PFKFB3: variants seen among roughly 807,000 people sequenced by gnomAD.
PFKFB3 encodes the protein 6-phosphofructo-2-kinase/fructose-2,6-bisphosphatase 3.
Under a neutral mutation model 68.0 loss-of-function variants are expected in PFKFB3, and 33 were observed. The ratio of observed to expected loss-of-function variants is 0.49; its 90% CI spans 0.37 to 0.65. PFKFB3 has a LOEUF of 0.65. Ranked by LOEUF, PFKFB3 falls within the 30% of genes least tolerant of loss-of-function variation. The pLI, the probability that PFKFB3 is intolerant of heterozygous loss-of-function variation, is 0.00. For synonymous variants in PFKFB3, 315 were observed against 288.2 expected, an observed-to-expected ratio of 1.09 and a Z score of -0.94; for missense variants, 586 against 712.2, an observed-to-expected ratio of 0.82 and a Z score of 2.02.
At chr10:6,325,256 G>A in the PFKFB3 span, among the ~76,000 whole-genome samples, 7 of 152,256 alleles carry the variant, frequency 4.6e-5, no homozygotes, top group Middle Eastern at 3.4e-3. Context: ...GAACCACTGC[G>A]CCCAGCCTGG....
At chr10:6,322,185 C>G in the PFKFB3 span, among the ~76,000 whole-genome samples, 1 of 152,242 alleles carries the variant, frequency 6.6e-6, no homozygotes, top group Non-Finnish European at 1.5e-5. Context: ...CCAGTGTTCT[C>G]TGTTTCTGTA....
intron 14 of PFKFB3, among the ~76,000 whole-genome samples, chr10:6,231,799 G>T (rs1469761647): frequency 2.0e-5 from 3 of 151,374 alleles, no homozygotes; most frequent in African/African-American, 7.3e-5. Flanking sequence ...GTCATCCCCT[G>T]GCAGGCACCT....
rs1469763495 is a variant in PFKFB3, at chr10:6,213,630, G to T, written c.84G>T (p.Gly28=). 6.2e-7 allele frequency: 1 copy of T among 1,612,246 alleles called. No homozygotes were observed. ...TCTTGCTTGTTTTTCCAGCCTGTGG[G>T]CCAAAGCTGACCAACTCCCCCACCG... ...DHRPSLPRSC[G]PKLTNSPTVI... Residue 28 remains glycine (G), a synonymous_variant, in exon 2 of 15, where the codon GGG becomes GGT. Coordinates refer to ENST00000379775, the MANE Select transcript of PFKFB3 (RefSeq NM_004566.4).
intron 8 of PFKFB3, 142 bp from the exon 9 acceptor site, chr10:6,221,239 G>A (rs542085827): frequency 2.4e-5 from 21 of 888,880 alleles, no homozygotes; most frequent in South Asian, 1.5e-4. Flanking sequence ...GGGTGTGTGC[G>A]GCTGTGGCTG....
chr10:6,294,706 C>T, the PFKFB3 span: 1 of 159,690 alleles, frequency 6.3e-6, no homozygotes, highest in Non-Finnish European at 1.4e-5. Context: ...TCTTCTAGAC[C>T]ACAAGGACCC....
intron 14 of PFKFB3, among the ~76,000 whole-genome samples, chr10:6,245,291 T>G (rs920179161): frequency 1.3e-5 from 2 of 152,064 alleles, no homozygotes; most frequent in African/African-American, 4.8e-5. Flanking sequence ...GAGACGGGGT[T>G]TCACCATGTT....
chr10:6,231,339 C>T (rs1434957441), intron 14 of PFKFB3: 2 of 1,612,018 alleles, frequency 1.2e-6, no homozygotes, highest in Admixed American at 1.7e-5. Context: ...GCATGTCCCT[C>T]TGTCCCGCAC....
chr10:6,158,363 T>G (rs184662651), intron 1 of PFKFB3, among the ~76,000 whole-genome samples: 130 of 152,142 alleles, frequency 8.5e-4, no homozygotes, highest in South Asian at 1.7e-3. Flanking sequence ...TAAAGAAACT[T>G]CACCTCTTTA....
Position 6,210,400 on chromosome 10 carries a change from A to G in PFKFB3, c.77-3223A>G, listed in dbSNP as rs377164405. Among the ~76,000 whole-genome samples the G allele has an allele frequency of 8.6e-3, 718 of 83,206 alleles. 119 individuals carry two copies. Among genetic ancestry groups the G allele is most frequent in the South Asian group, 0.023 (46 of 2,028 alleles). 54.6% of individuals were successfully genotyped at this position (83,206 alleles called of 152,430 possible). ...TTTTGAGACGAAGTTTCGCTCTGTC[A>G]CCCAGGCTGGAGTGCAGTGGCGCTA... is the stretch of plus-strand genomic sequence containing the variant. On this transcript the variant is annotated intron_variant, in intron 1 of 14. Transcript: ENST00000379775.
chr10:6,258,427 G>C (rs934178250), downstream of PFKFB3, among the ~76,000 whole-genome samples: 1 of 152,194 alleles, frequency 6.6e-6, no homozygotes, highest in African/African-American at 2.4e-5. Flanking sequence ...GCAGTTAATG[G>C]GCTTCTCTGT....
chr10:6,221,327 C>T, intron 8 of PFKFB3, 54 bp from the exon 9 acceptor site: 1 of 1,604,000 alleles, frequency 6.2e-7, no homozygotes, highest in Non-Finnish European at 8.5e-7. Context: ...AGCCCTGGCT[C>T]TTGGAGGAGC....
the PFKFB3 span, among the ~76,000 whole-genome samples, chr10:6,287,719 T>C: frequency 6.6e-6 from 1 of 152,222 alleles, no homozygotes; most frequent in Admixed American, 6.5e-5. Flanking sequence ...TTGTCCGTTA[T>C]ATGATTGCTG....
At chr10:6,211,717 G>A (rs540657769) in intron 1 of PFKFB3, among the ~76,000 whole-genome samples, 145 of 152,332 alleles carry the variant, frequency 9.5e-4, no homozygotes, top group African/African-American at 3.2e-3. Context: ...ATCTGTTTTC[G>A]AGGAACTGTT....
At chr10:6,272,065 C>T in the PFKFB3 span, among the ~76,000 whole-genome samples, 2 of 152,208 alleles carry the variant, frequency 1.3e-5, no homozygotes, top group Non-Finnish European at 2.9e-5. Context: ...TGGCTGCCAT[C>T]CAGCAGGGAG....
intron 1 of PFKFB3, among the ~76,000 whole-genome samples, chr10:6,181,164 G>A (rs557884434): frequency 6.6e-6 from 1 of 152,260 alleles, no homozygotes; most frequent in Admixed American, 6.5e-5. Context: ...GTAGGTGTGT[G>A]CCATCACACC....
chr10:6,258,700 C>T (rs951184915), downstream of PFKFB3, among the ~76,000 whole-genome samples: 1 of 152,166 alleles, frequency 6.6e-6, no homozygotes, highest in Admixed American at 6.5e-5. Flanking sequence ...GCCTCTGCTC[C>T]CTGTAGGGGA....
chr10:6,270,648 G>C, the PFKFB3 span, among the ~76,000 whole-genome samples: 1 of 152,168 alleles, frequency 6.6e-6, no homozygotes, highest in Non-Finnish European at 1.5e-5. Flanking sequence ...TCTTTACCAG[G>C]TGGTTTCTAA....
At chr10:6,293,137 C>A in the PFKFB3 span, 1 of 448,536 alleles carries the variant, frequency 2.2e-6, no homozygotes. Context: ...GGCTTTTCAT[C>A]ATGCTTGGTG....
At chr10:6,318,501 G>A in the PFKFB3 span, among the ~76,000 whole-genome samples, 2 of 152,154 alleles carry the variant, frequency 1.3e-5, no homozygotes, top group South Asian at 2.1e-4. Flanking sequence ...GTCCATTCCC[G>A]GAGCTGTGCT....
Sources: allele counts gnomAD v4.1 joint callset (sites outside exome capture counted in the v4.1 genomes callset), GRCh38; gene constraint gnomAD v4.1.1; transcripts MANE v1.5; gene names NCBI Gene and HGNC (gene_info 2026-07-23, HGNC 2026-07-21).